The following CELF2 variants were observed in gnomAD, a reference collection of about 807,000 sequenced individuals.
CELF2 encodes CUGBP Elav-like family member 2, also known as CUG triplet repeat RNA-binding protein 2.
Under a neutral mutation model 62.6 loss-of-function variants are expected in CELF2, and 8 were observed. The observed-to-expected ratio is 0.13, with a 90% CI of 0.07 to 0.23. CELF2 has a LOEUF of 0.23. Ranked by LOEUF, CELF2 falls within the 10% of genes least tolerant of loss-of-function variation. The pLI, the probability that CELF2 is intolerant of heterozygous loss-of-function variation, is 1.00. For synonymous variants in CELF2, 258 were observed against 250.0 expected (o/e 1.03, Z -0.30); for missense variants, 333 against 671.0 (o/e 0.50, Z 5.56).
At chr10:10,651,113 T>A in the CELF2 span, among the ~76,000 whole-genome samples, 4 of 138,814 alleles carry the variant, frequency 2.9e-5, no homozygotes, top group African/African-American at 1.1e-4. Flanking sequence ...GGGTGACGGA[T>A]GCACCTGGAA....
intron 1 of CELF2, among the ~76,000 whole-genome samples, chr10:11,129,778 G>A (rs1444567348): frequency 6.6e-6 from 1 of 151,946 alleles, no homozygotes; most frequent in African/African-American, 2.4e-5. Flanking sequence ...CTTCTTATTA[G>A]TCTTGCTAGA....
the CELF2 span, among the ~76,000 whole-genome samples, chr10:10,791,566 T>C: frequency 6.6e-6 from 1 of 151,968 alleles, no homozygotes; most frequent in Admixed American, 6.6e-5. Flanking sequence ...GTTTAGTGTA[T>C]TTTTTTCTTT....
chr10:10,847,559 T>C (rs1430014210), intron 1 of CELF2, among the ~76,000 whole-genome samples: 2 of 152,230 alleles, frequency 1.3e-5, no homozygotes, highest in Admixed American at 6.5e-5. Context: ...TTCAGATTCA[T>C]GTCCTCCCAA....
chr10:11,036,719 G>A (rs777778255), intron 1 of CELF2, among the ~76,000 whole-genome samples: 5 of 152,180 alleles, frequency 3.3e-5, no homozygotes, highest in Non-Finnish European at 5.9e-5. Context: ...CTAGTTTTAC[G>A]CTGAGAGCCC....
chr10:11,271,808 T>C (rs2083899585), intron 7 of CELF2, among the ~76,000 whole-genome samples: 2 of 152,270 alleles, frequency 1.3e-5, no homozygotes, highest in East Asian at 3.9e-4. Flanking sequence ...CTGTCACCCA[T>C]TGGCTTTACT....
intron 1 of CELF2, among the ~76,000 whole-genome samples, chr10:11,150,415 A>T (rs1266856348): frequency 6.6e-6 from 1 of 152,222 alleles, no homozygotes. Context: ...TTCCTTCATA[A>T]TCATACTTGA....
the CELF2 span, among the ~76,000 whole-genome samples, chr10:10,723,086 A>G: frequency 3.3e-5 from 5 of 152,138 alleles, no homozygotes; most frequent in African/African-American, 9.7e-5. Flanking sequence ...CTGAGTTTTA[A>G]TTCATGGTAT....
chr10:11,107,300 C>G (rs1452492286), intron 1 of CELF2, among the ~76,000 whole-genome samples: 3 of 152,148 alleles, frequency 2.0e-5, no homozygotes, highest in Non-Finnish European at 4.4e-5. Flanking sequence ...CCAGGCTAAA[C>G]TGGCCTGTGG....
chr10:11,210,200 T>TA (rs927556936), intron 2 of CELF2, among the ~76,000 whole-genome samples: 4 of 151,900 alleles, frequency 2.6e-5, no homozygotes, highest in Admixed American at 1.3e-4. Context: ...TGTTGTTTAA[T>TA]AAAAAAAAGA....
chr10:10,758,939 T>C, the CELF2 span, among the ~76,000 whole-genome samples: 1 of 152,346 alleles, frequency 6.6e-6, no homozygotes, highest in South Asian at 2.1e-4. Flanking sequence ...TAAAACTGCC[T>C]GTTGAACAAA....
At chr10:10,741,649 C>T in the CELF2 span, among the ~76,000 whole-genome samples, 1 of 152,082 alleles carries the variant, frequency 6.6e-6, no homozygotes, top group Non-Finnish European at 1.5e-5. Flanking sequence ...AAGGATGCTG[C>T]CTTCTCAGTG....
At chr10:11,094,803 A>G (rs1340519557) in intron 1 of CELF2, among the ~76,000 whole-genome samples, 1 of 152,236 alleles carries the variant, frequency 6.6e-6, no homozygotes, top group African/African-American at 2.4e-5. Flanking sequence ...TCGAATGAAC[A>G]CATATGAGAC....
At chr10:10,578,411 G>C in the CELF2 span, among the ~76,000 whole-genome samples, 1 of 152,092 alleles carries the variant, frequency 6.6e-6, no homozygotes, top group East Asian at 1.9e-4. Context: ...ACTGCTTTTG[G>C]TGTTTTAGAC....
the CELF2 span, among the ~76,000 whole-genome samples, chr10:10,559,340 G>A: frequency 6.6e-6 from 1 of 152,206 alleles, no homozygotes; most frequent in African/African-American, 2.4e-5. Context: ...ATACTCATTA[G>A]CCATGTGACC....
chr10:10,476,496 C>T, the CELF2 span, among the ~76,000 whole-genome samples: 1 of 152,160 alleles, frequency 6.6e-6, no homozygotes, highest in African/African-American at 2.4e-5. Context: ...GTAATGCCAT[C>T]TGGCTGGGAC....
chr10:10,831,240 A>G (rs965230463), intron 1 of CELF2, among the ~76,000 whole-genome samples: 1 of 152,208 alleles, frequency 6.6e-6, no homozygotes, highest in African/African-American at 2.4e-5. Context: ...GGATGGTGTC[A>G]TGAGTGTTCT....
At chr10:10,996,841 G>A (rs2054007028) in intron 2 of CELF2, among the ~76,000 whole-genome samples, 1 of 151,978 alleles carries the variant, frequency 6.6e-6, no homozygotes, top group Non-Finnish European at 1.5e-5. Flanking sequence ...CTCCTCCCCT[G>A]GGAGGTGCTG....
At position 11,315,433 on chromosome 10, in the gene CELF2, C is replaced by G. The variant is rs368267361; in HGVS notation, c.1096+1175C>G. On this transcript the variant is annotated intron_variant, in intron 10 of 12. Coordinates refer to ENST00000633077, the MANE Select transcript of CELF2 (RefSeq NM_001326342.2). This position sits in a 1 kb window ranked among gnomAD's most constrained non-coding sequence, Gnocchi z 5.8. ...GTATACTTTTTTAAAGCAAAATAATCCCAGTAATTTCATACTGTAAAGGCT... is the reference window on the plus strand; with the variant it reads ...GTATACTTTTTTAAAGCAAAATAATGCCAGTAATTTCATACTGTAAAGGCT... Among the ~76,000 whole-genome samples, 2 of 152,146 alleles carry G rather than the reference C, an allele frequency of 1.3e-5. No individual in the cohort carries two copies. The highest frequency in any genetic ancestry group is 4.8e-5 in the African/African-American group (2 of 41,408).
intron 1 of CELF2, among the ~76,000 whole-genome samples, chr10:11,049,943 G>A (rs2063608107): frequency 6.6e-6 from 1 of 152,198 alleles, no homozygotes; most frequent in African/African-American, 2.4e-5. Context: ...ATGCTCAGGG[G>A]CACCATAAAC....
Sources: gnomAD v4.1 joint callset for allele counts (sites outside exome capture counted in the v4.1 genomes callset) on GRCh38, gnomAD v4.1.1 for gene constraint, Gnocchi (gnomAD v3.1) non-coding constraint, MANE v1.5 for transcripts, NCBI Gene and HGNC (gene_info 2026-07-23, HGNC 2026-07-21) for gene names.